Variants in OXR1 observed in about 807,000 individuals in gnomAD.
The protein encoded by OXR1 is oxidation resistance 1.
Under a neutral mutation model 104.6 loss-of-function variants are expected in OXR1, and 41 were observed. The ratio of observed to expected loss-of-function variants is 0.39; its 90% CI spans 0.31 to 0.51. OXR1 has a LOEUF of 0.51. Among genes scored for constraint, OXR1 ranks in the 20% least tolerant of loss-of-function variants. OXR1 has a pLI of 0.77. For synonymous variants in OXR1, 348 were observed against 348.4 expected (o/e 1.00, Z 0.01); for missense variants, 955 against 1,031.9 (o/e 0.93, Z 1.02).
intron 3 of OXR1, among the ~76,000 whole-genome samples, chr8:106,635,347 A>T (rs1165978171): frequency 6.6e-6 from 1 of 151,634 alleles, no homozygotes; most frequent in Non-Finnish European, 1.5e-5. Context: ...TGGCCATTCT[A>T]CTCCTCTATT....
rs546729465 is a variant in OXR1 at position 106,439,830 on chromosome 8, ATACT to A, written c.24-79107_24-79104del. On this transcript the variant is annotated intron_variant, in intron 2 of 16. Transcript: ENST00000517566. ...TGAATGAATGAGAAACCCGATATAA[ATACT>A]TACTTGAAGAATAATAATGAAATCA... 3.5e-4 allele frequency among the ~76,000 whole-genome samples: 53 copies of A among 152,284 alleles called. No individual in the cohort carries two copies. In the East Asian group the frequency reaches 0.01, roughly 29 times the overall value.
At chr8:106,501,608 G>A (rs16874782) in intron 2 of OXR1, among the ~76,000 whole-genome samples, 65,068 of 152,100 alleles carry the variant, frequency 0.43, 16,915 homozygotes, top group Non-Finnish European at 0.57. Context: ...TAGGGTGATA[G>A]CCAGAGCACT....
intron 1 of OXR1, among the ~76,000 whole-genome samples, chr8:106,291,229 A>C (rs1812737682): frequency 6.6e-6 from 1 of 152,196 alleles, no homozygotes; most frequent in Non-Finnish European, 1.5e-5. Context: ...AATTGGAGCT[A>C]AATATTGAGA....
intron 1 of OXR1, among the ~76,000 whole-genome samples, chr8:106,303,313 G>C (rs57408064): frequency 0.22 from 31,152 of 141,448 alleles, 5,065 homozygotes; most frequent in African/African-American, 0.47. Flanking sequence ...GAGTGCACTG[G>C]TGTGATCTAG....
At chr8:106,545,525 A>G (rs1020999516) in intron 3 of OXR1, among the ~76,000 whole-genome samples, 2 of 152,224 alleles carry the variant, frequency 1.3e-5, no homozygotes, top group Admixed American at 6.5e-5. Flanking sequence ...TCTTCCAGAC[A>G]CACAAGCATA....
intron 2 of OXR1, among the ~76,000 whole-genome samples, chr8:106,508,503 C>T (rs1341697614): frequency 3.9e-5 from 6 of 152,074 alleles, no homozygotes; most frequent in Non-Finnish European, 5.9e-5. Flanking sequence ...ATGTGGCATG[C>T]CCTGTCTAGG....
intron 15 of OXR1, 60 bp downstream of exon 15, chr8:106,742,377 G>A: frequency 1.1e-6 from 1 of 911,290 alleles, no homozygotes; most frequent in Non-Finnish European, 1.8e-6. Context: ...ACTGCCCAAA[G>A]CAATTTATAG....
chr8:106,356,908 A>G (rs554534326), intron 1 of OXR1, among the ~76,000 whole-genome samples: 1 of 152,208 alleles, frequency 6.6e-6, no homozygotes, highest in African/African-American at 2.4e-5. Context: ...AGGTGTTCAG[A>G]CCTAACACAA....
At chr8:106,323,924 C>T (rs954583108) in intron 1 of OXR1, among the ~76,000 whole-genome samples, 3 of 152,114 alleles carry the variant, frequency 2.0e-5, no homozygotes, top group African/African-American at 7.2e-5. Context: ...AGTGTAAATT[C>T]GTTCAACCAT....
At chr8:106,559,490 G>T (rs1057480333) in intron 3 of OXR1, among the ~76,000 whole-genome samples, 1 of 152,106 alleles carries the variant, frequency 6.6e-6, no homozygotes, top group African/African-American at 2.4e-5. Context: ...ATTTGTTACA[G>T]TATCTCCCCA....
At chr8:106,472,930 G>A (rs1031959529) in intron 2 of OXR1, among the ~76,000 whole-genome samples, 1 of 151,778 alleles carries the variant, frequency 6.6e-6, no homozygotes, top group Non-Finnish European at 1.5e-5. Context: ...TTCCCTAACA[G>A]TAAGCCATGT....
At chr8:106,582,464 A>C (rs913960704) in intron 3 of OXR1, among the ~76,000 whole-genome samples, 3 of 151,494 alleles carry the variant, frequency 2.0e-5, no homozygotes, top group African/African-American at 7.3e-5. Context: ...CTAAAACAGA[A>C]TTGTGCCTGC....
chr8:106,717,866 C>T (rs1481455887), intron 11 of OXR1, among the ~76,000 whole-genome samples: 1 of 152,054 alleles, frequency 6.6e-6, no homozygotes. Flanking sequence ...AACTAATAGT[C>T]CACAGTCTGT....
chr8:106,596,017 T>C (rs952013476), intron 3 of OXR1, among the ~76,000 whole-genome samples: 1 of 152,236 alleles, frequency 6.6e-6, no homozygotes, highest in Non-Finnish European at 1.5e-5. Flanking sequence ...TCATTTATTT[T>C]TAAATATAAA....
intron 3 of OXR1, among the ~76,000 whole-genome samples, chr8:106,658,680 C>A (rs1223653345): frequency 6.6e-6 from 1 of 152,214 alleles, no homozygotes; most frequent in Non-Finnish European, 1.5e-5. Context: ...TAAAACACTT[C>A]ATTAACATTG....
At chr8:106,622,564 T>C (rs1273924718) in intron 3 of OXR1, among the ~76,000 whole-genome samples, 2 of 151,770 alleles carry the variant, frequency 1.3e-5, no homozygotes, top group African/African-American at 4.8e-5. Context: ...GAACACACCA[T>C]GCCTGCTTCT....
chr8:106,647,510 AAG>A (rs369940120), intron 3 of OXR1, among the ~76,000 whole-genome samples: 16 of 152,224 alleles, frequency 1.1e-4, no homozygotes, highest in South Asian at 4.1e-4. Flanking sequence ...TATATAAAAA[AAG>A]AGTCAATTTT....
chr8:106,478,089 C>T (rs541394416), intron 2 of OXR1, among the ~76,000 whole-genome samples: 9 of 151,918 alleles, frequency 5.9e-5, no homozygotes, highest in Admixed American at 2.6e-4. Context: ...TTAAAATCAT[C>T]GGTGACACTG....
chr8:106,667,187 T>C (rs1390544192), intron 3 of OXR1, among the ~76,000 whole-genome samples: 1 of 152,202 alleles, frequency 6.6e-6, no homozygotes, highest in African/African-American at 2.4e-5. Context: ...AAGATCTGAT[T>C]ATAATCAAAG....
Sources: gnomAD v4.1 joint callset for allele counts (sites outside exome capture counted in the v4.1 genomes callset) on GRCh38, gnomAD v4.1.1 for gene constraint, MANE v1.5 for transcripts, NCBI Gene and HGNC (gene_info 2026-07-23, HGNC 2026-07-21) for gene names.